Variants in GREB1L observed in about 807,000 individuals in gnomAD.
The protein encoded by GREB1L is GREB1 like retinoic acid receptor coactivator.
GREB1L carries 17 observed loss-of-function variants against 200.8 expected under a neutral mutation model. That is an observed-to-expected ratio of 0.08 (90% CI 0.06 to 0.13). GREB1L has a LOEUF of 0.13. Ranked by LOEUF, GREB1L falls within the 10% of genes least tolerant of loss-of-function variation. The pLI, the probability that GREB1L is intolerant of heterozygous loss-of-function variation, is 1.00. For missense variants in GREB1L, 1,657 were observed against 2,367.7 expected, an observed-to-expected ratio of 0.70 and a Z score of 6.23; for synonymous variants, 789 against 893.0, an observed-to-expected ratio of 0.88 and a Z score of 2.08.
intron 7 of GREB1L, among the ~76,000 whole-genome samples, chr18:21,404,469 G>A (rs1327543834): frequency 6.6e-6 from 1 of 152,198 alleles, no homozygotes; most frequent in Non-Finnish European, 1.5e-5. Context: ...AGTTTCTAGT[G>A]ATACAAGAGA....
intron 15 of GREB1L, among the ~76,000 whole-genome samples, chr18:21,471,614 T>C (rs1401489418): frequency 1.1e-5 from 1 of 92,408 alleles, no homozygotes; most frequent in East Asian, 2.8e-4. Flanking sequence ...TTCCTCTCTT[T>C]TGTTTCTTTT....
In GREB1L at chr18:21,268,560, CATATATATATATATATAT is replaced by C. The variant is rs370094258; in HGVS notation, c.-120+26183_-120+26200del. ...ACACACACACACACACACACACACA[CATATATATATATATATAT>C]ATATATATATATATACATGTATATA... is the stretch of plus-strand genomic sequence containing the variant. On this transcript the variant is annotated intron_variant, in intron 1 of 32. Transcript: ENST00000424526. Among the ~76,000 whole-genome samples, 626 of 63,548 alleles carry C rather than the reference CATATATATATATATATAT, an allele frequency of 9.9e-3. 10 individuals carry two copies. The highest frequency in any genetic ancestry group is 0.044 in the African/African-American group (584 of 13,394). The allele number at this position is 63,548 out of a possible 152,430, so 41.7% of individuals were successfully genotyped here.
At chr18:21,517,607 A>T (rs1167309643) in intron 30 of GREB1L, among the ~76,000 whole-genome samples, 1 of 152,182 alleles carries the variant, frequency 6.6e-6, no homozygotes, top group Non-Finnish European at 1.5e-5. Context: ...CTGTATTACT[A>T]CCCTTTTCTA....
intron 1 of GREB1L, among the ~76,000 whole-genome samples, chr18:21,257,180 A>G (rs1279760221): frequency 1.3e-5 from 2 of 151,964 alleles, no homozygotes; most frequent in African/African-American, 4.8e-5. Flanking sequence ...GTTAGCCAGG[A>G]TGGTCTCGAT....
intron 1 of GREB1L, among the ~76,000 whole-genome samples, chr18:21,291,296 C>T (rs1323562193): frequency 3.9e-5 from 6 of 152,300 alleles, no homozygotes; most frequent in Middle Eastern, 3.4e-3. Flanking sequence ...TCTCCCCAAA[C>T]CTGTTTGCCT....
intron 7 of GREB1L, among the ~76,000 whole-genome samples, chr18:21,408,167 T>G (rs1370802968): frequency 6.6e-6 from 1 of 152,168 alleles, no homozygotes; most frequent in Non-Finnish European, 1.5e-5. Flanking sequence ...GTGATGGATA[T>G]CTTATTTATC....
chr18:21,369,959 AAAAAG>A (rs201983887), intron 2 of GREB1L, among the ~76,000 whole-genome samples: 56 of 151,612 alleles, frequency 3.7e-4, no homozygotes, highest in African/African-American at 9.2e-4. Flanking sequence ...AAAAAAAAAA[AAAAAG>A]AAAAGAAAAG....
intron 1 of GREB1L, among the ~76,000 whole-genome samples, chr18:21,343,836 A>G (rs555407067): frequency 2.6e-5 from 4 of 151,350 alleles, no homozygotes; most frequent in Admixed American, 2.0e-4. Context: ...CCAGGATTCA[A>G]GTGATTCCCC....
chr18:21,273,116 A>C (rs1363567821), intron 1 of GREB1L, among the ~76,000 whole-genome samples: 1 of 152,148 alleles, frequency 6.6e-6, no homozygotes, highest in Non-Finnish European at 1.5e-5. Context: ...AATCCCAGCT[A>C]CTGGGGAGGC....
intron 1 of GREB1L, among the ~76,000 whole-genome samples, chr18:21,349,423 C>T (rs2039401739): frequency 6.6e-6 from 1 of 152,098 alleles, no homozygotes; most frequent in Non-Finnish European, 1.5e-5. Flanking sequence ...TACACTATGC[C>T]TTTGATAGTC....
chr18:21,297,968 A>G (rs1018287132), intron 1 of GREB1L, among the ~76,000 whole-genome samples: 12 of 152,078 alleles, frequency 7.9e-5, no homozygotes, highest in Non-Finnish European at 1.5e-4. Context: ...AATGATGGCC[A>G]TCATTTGGTG....
intron 27 of GREB1L, among the ~76,000 whole-genome samples, chr18:21,509,068 C>G (rs2037135391): frequency 6.6e-6 from 1 of 152,200 alleles, no homozygotes; most frequent in African/African-American, 2.4e-5. Context: ...ATCGTTACTG[C>G]CTATGACACA....
Position 21,377,394 on chromosome 18 carries a change from G to C in GREB1L, c.-9-6116G>C, listed in dbSNP as rs1172503402. On this transcript the variant is annotated intron_variant, in intron 2 of 32. Coordinates refer to ENST00000424526, the MANE Select transcript of GREB1L (RefSeq NM_001142966.3). ...TCTGAGGGACAGTACTCCTTAACCT[G>C]TATGTTTTCATTTCCTTTTTGTGAA... 4.6e-5 allele frequency among the ~76,000 whole-genome samples: 7 copies of C among 152,224 alleles called. No individual in the cohort carries two copies. In the East Asian group the frequency reaches 1.3e-3, roughly 29 times the overall value.
intron 15 of GREB1L, among the ~76,000 whole-genome samples, chr18:21,464,535 A>G (rs1254448024): frequency 7.7e-6 from 1 of 129,852 alleles, no homozygotes; most frequent in South Asian, 2.6e-4. Flanking sequence ...AGAGAGAGAC[A>G]CCATCTCAAA....
At chr18:21,341,711 C>T (rs1439160103) in intron 1 of GREB1L, among the ~76,000 whole-genome samples, 2 of 152,032 alleles carry the variant, frequency 1.3e-5, no homozygotes, top group Non-Finnish European at 2.9e-5. Context: ...GTGGTGAAGC[C>T]AAAAAGCATT....
intron 11 of GREB1L, among the ~76,000 whole-genome samples, chr18:21,446,543 CAGTT>C (rs1164167411): frequency 6.6e-6 from 1 of 152,228 alleles, no homozygotes; most frequent in African/African-American, 2.4e-5. Context: ...TGCAGTCAAT[CAGTT>C]AGGCCTCTCG....
chr18:21,345,306 C>T (rs891933199), intron 1 of GREB1L, among the ~76,000 whole-genome samples: 1 of 152,228 alleles, frequency 6.6e-6, no homozygotes, highest in South Asian at 2.1e-4. Context: ...AAGGTACCAT[C>T]ATCCACCCCA....
At chr18:21,518,933 A>C (rs11083186) in intron 31 of GREB1L, among the ~76,000 whole-genome samples, 100,598 of 152,056 alleles carry the variant, frequency 0.66, 37,221 homozygotes, top group Non-Finnish European at 0.85. Flanking sequence ...CCAGAAGAAT[A>C]TTTTGGTGTA....
intron 14 of GREB1L, chr18:21,452,449 T>G (rs527812515): frequency 2.1e-6 from 1 of 479,902 alleles, no homozygotes; most frequent in Admixed American, 3.8e-5. Context: ...GTCAAAGACT[T>G]TATCTTAAGC....
Sources: allele counts gnomAD v4.1 joint callset (sites outside exome capture counted in the v4.1 genomes callset), GRCh38; gene constraint gnomAD v4.1.1; transcripts MANE v1.5; gene names NCBI Gene and HGNC (gene_info 2026-07-23, HGNC 2026-07-21).